Variants in EBF1 observed in about 807,000 individuals in gnomAD.
The protein encoded by EBF1 is transcription factor COE1.
In EBF1, 10 loss-of-function variants were observed where a neutral mutation model predicts 68.4. The observed-to-expected ratio is 0.15, with a 90% CI of 0.09 to 0.25. The LOEUF is 0.25. Among genes scored for constraint, EBF1 ranks in the 10% least tolerant of loss-of-function variants. The probability of loss-of-function intolerance (pLI) is 1.00; values close to 1 mark genes in which losing one functional copy is unlikely to be tolerated. For synonymous variants in EBF1, 298 were observed against 299.8 expected, an observed-to-expected ratio of 0.99 and a Z score of 0.06; for missense variants, 509 against 794.4, an observed-to-expected ratio of 0.64 and a Z score of 4.32.
At chr5:158,943,331 TACAC>T (rs59821779) in intron 6 of EBF1, among the ~76,000 whole-genome samples, 3,228 of 149,388 alleles carry the variant, frequency 0.022, 51 homozygotes, top group Non-Finnish European at 0.03. Context: ...GTTTATTGGA[TACAC>T]ACACACACAC....
At chr5:159,057,399 C>T (rs908628211) in intron 6 of EBF1, among the ~76,000 whole-genome samples, 9 of 152,312 alleles carry the variant, frequency 5.9e-5, no homozygotes, top group South Asian at 2.1e-4. Context: ...TGAGCCACCG[C>T]GCCTGACGGA....
chr5:158,982,312 G>C (rs955667192), intron 6 of EBF1, among the ~76,000 whole-genome samples: 1 of 152,124 alleles, frequency 6.6e-6, no homozygotes, highest in African/African-American at 2.4e-5. Context: ...GCACAGTAAG[G>C]CTCAATCAAA....
At chr5:159,072,433 T>G (rs923429487) in intron 6 of EBF1, among the ~76,000 whole-genome samples, 1 of 152,194 alleles carries the variant, frequency 6.6e-6, no homozygotes, top group Admixed American at 6.5e-5. Context: ...TTTCTTTTGT[T>G]GTTGTTGTCA....
intron 4 of EBF1, 116 bp from the exon 5 acceptor site, chr5:159,084,855 G>A (rs896523088): frequency 2.6e-6 from 2 of 758,888 alleles, no homozygotes; most frequent in South Asian, 2.5e-5. Flanking sequence ...TTAGCTTTGA[G>A]GAGCCAAAGA....
At chr5:158,968,930 A>G (rs891138531) in intron 6 of EBF1, among the ~76,000 whole-genome samples, 4 of 152,194 alleles carry the variant, frequency 2.6e-5, no homozygotes, top group Non-Finnish European at 4.4e-5. Context: ...GAAAAAAAGA[A>G]AGGAAATTTG....
chr5:158,871,784 G>A (rs1305565779), intron 6 of EBF1, among the ~76,000 whole-genome samples: 1 of 152,162 alleles, frequency 6.6e-6, no homozygotes, highest in Admixed American at 6.6e-5. Context: ...TGCAGAGTTG[G>A]GGCCACAACC....
chr5:158,751,783 C>A (rs940873593), intron 10 of EBF1, among the ~76,000 whole-genome samples: 1 of 152,182 alleles, frequency 6.6e-6, no homozygotes, highest in East Asian at 1.9e-4. Flanking sequence ...CTTTAAAATT[C>A]TGATAATATT....
At chr5:158,977,294 T>C (rs1756965819) in intron 6 of EBF1, among the ~76,000 whole-genome samples, 1 of 152,182 alleles carries the variant, frequency 6.6e-6, no homozygotes, top group African/African-American at 2.4e-5. Flanking sequence ...TAAAATACAT[T>C]AATAAAAACC....
chr5:159,019,034 G>T (rs1766152824), intron 6 of EBF1: 1 of 152,190 alleles, frequency 6.6e-6, no homozygotes, highest in South Asian at 2.1e-4. Context: ...ACATGCCTGT[G>T]TCTTCTCCAA....
At chr5:158,997,185 T>C (rs954198043) in intron 6 of EBF1, among the ~76,000 whole-genome samples, 8 of 152,108 alleles carry the variant, frequency 5.3e-5, no homozygotes, top group Admixed American at 2.0e-4. Context: ...GAGCAGTGAA[T>C]TCCTGGGTCC....
chr5:159,078,623 G>T (rs1421618276), intron 5 of EBF1, among the ~76,000 whole-genome samples: 1 of 152,134 alleles, frequency 6.6e-6, no homozygotes, highest in Non-Finnish European at 1.5e-5. Context: ...TTGCTTTGCT[G>T]CCAGGGTAAG....
intron 6 of EBF1, among the ~76,000 whole-genome samples, chr5:158,861,186 T>A (rs1794900233): frequency 6.6e-6 from 1 of 151,878 alleles, no homozygotes; most frequent in East Asian, 1.9e-4. Context: ...AGAATCTTAC[T>A]CAAAGGCAGG....
chr5:158,774,096 G>A (rs1004473300), intron 10 of EBF1, among the ~76,000 whole-genome samples: 4 of 152,182 alleles, frequency 2.6e-5, no homozygotes, highest in Admixed American at 6.5e-5. Context: ...GAGCTTTTCT[G>A]CTTCTAATCC....
At chr5:159,007,485 C>A (rs532333960) in intron 6 of EBF1, among the ~76,000 whole-genome samples, 58 of 152,254 alleles carry the variant, frequency 3.8e-4, no homozygotes, top group Admixed American at 3.1e-3. Context: ...AGTTCTAAGA[C>A]CTCTAGAACA....
At chr5:158,861,521 T>A (rs533096150) in intron 6 of EBF1, among the ~76,000 whole-genome samples, 69 of 152,330 alleles carry the variant, frequency 4.5e-4, no homozygotes, top group African/African-American at 1.6e-3. Flanking sequence ...AAACCCCATG[T>A]TTATGTATGC....
At chr5:158,711,949 T>C (rs980477154) in intron 14 of EBF1, among the ~76,000 whole-genome samples, 3 of 152,042 alleles carry the variant, frequency 2.0e-5, no homozygotes, top group Admixed American at 6.5e-5. Flanking sequence ...TAGGGAGACT[T>C]TGTAGGAAGG....
intron 6 of EBF1, among the ~76,000 whole-genome samples, chr5:159,051,481 A>G (rs1329809612): frequency 2.4e-5 from 3 of 123,796 alleles, no homozygotes; most frequent in Admixed American, 9.0e-5. Context: ...CCCGCTCCAC[A>G]TGTGCGACTC....
chr5:159,053,416 C>T (rs1774174211), intron 6 of EBF1, among the ~76,000 whole-genome samples: 1 of 152,188 alleles, frequency 6.6e-6, no homozygotes, highest in Admixed American at 6.5e-5. Flanking sequence ...CCAGTCACTG[C>T]CACACCAGTC....
chr5:158,994,685 A>C (rs1054667249), intron 6 of EBF1, among the ~76,000 whole-genome samples: 3 of 152,212 alleles, frequency 2.0e-5, no homozygotes, highest in African/African-American at 2.4e-5. Flanking sequence ...ACATTTTATC[A>C]TTGGAATGGT....
Sources: allele counts gnomAD v4.1 joint callset (sites outside exome capture counted in the v4.1 genomes callset), GRCh38; gene constraint gnomAD v4.1.1; transcripts MANE v1.5; gene names NCBI Gene and HGNC (gene_info 2026-07-23, HGNC 2026-07-21).